Variants in SFSWAP observed in about 807,000 individuals in gnomAD.
SFSWAP encodes the protein splicing factor SWAP, also known as splicing factor, suppressor of white-apricot homolog.
In SFSWAP, 17 loss-of-function variants were observed where a neutral mutation model predicts 100.7. That is an observed-to-expected ratio of 0.17 (90% CI 0.12 to 0.25). The LOEUF is 0.25. Ranked by LOEUF, SFSWAP falls within the 10% of genes least tolerant of loss-of-function variation. The pLI, the probability that SFSWAP is intolerant of heterozygous loss-of-function variation, is 1.00. For synonymous variants in SFSWAP, 504 were observed against 510.1 expected (o/e 0.99, Z 0.16); for missense variants, 1,005 against 1,262.6 (o/e 0.80, Z 3.09).
In SFSWAP at chr12:131,799,538, G is replaced by A; in HGVS notation, c.*50G>A. On this transcript the variant is annotated 3_prime_UTR_variant, in exon 18 of 18. Coordinates refer to ENST00000261674, the MANE Select transcript of SFSWAP (RefSeq NM_004592.4). ...GGGAGGCTGCGTGGGCTTCTGGGCA[G>A]GCTCACGCAGACGCCGGCCACACCA... 1 of 1,538,474 alleles carries A rather than the reference G, an allele frequency of 6.5e-7. No homozygotes were observed. Among genetic ancestry groups the A allele is most frequent in the South Asian group, 1.1e-5 (1 of 88,316 alleles).
At chr12:131,729,957 G>A (rs1879344619) in intron 7 of SFSWAP, among the ~76,000 whole-genome samples, 2 of 152,230 alleles carry the variant, frequency 1.3e-5, no homozygotes, top group South Asian at 4.1e-4. Context: ...TTACTAGAGT[G>A]AACTTTCTGC....
At position 131,733,486 on chromosome 12, in the gene SFSWAP, C is replaced by T. The variant is rs1002273454; in HGVS notation, c.1081+5058C>T. 1.3e-5 allele frequency among the ~76,000 whole-genome samples: 2 copies of T among 152,092 alleles called. No homozygotes were observed. The highest frequency in any genetic ancestry group is 2.4e-5 in the African/African-American group (1 of 41,418). ...AGGCAGCGACGCTGCCTGCACTGCCCCACCGCTCAGAGGGCCACAGGAGCA... is the reference window on the plus strand; with the variant it reads ...AGGCAGCGACGCTGCCTGCACTGCCTCACCGCTCAGAGGGCCACAGGAGCA... On this transcript the variant is annotated intron_variant, in intron 7 of 17. Coordinates refer to ENST00000261674, the MANE Select transcript of SFSWAP (RefSeq NM_004592.4). This position sits in a 1 kb window ranked among gnomAD's most constrained non-coding sequence, Gnocchi z 5.1.
chr12:131,777,370 C>T (rs529859265), intron 13 of SFSWAP, among the ~76,000 whole-genome samples: 1 of 152,232 alleles, frequency 6.6e-6, no homozygotes, highest in African/African-American at 2.4e-5. Context: ...TCAGTTCCCA[C>T]CTATGAGTGA....
Position 131,778,349 on chromosome 12 carries a change from G to T in SFSWAP, c.2408+19G>T. The stretch of plus-strand genomic sequence containing the variant: ...GGTCGAGGTGGGTGTGAAGGGGGCA[G>T]CACCTCTGGTACCCTCATGACCCCC... On this transcript the variant is annotated intron_variant, in intron 14 of 17. Transcript: ENST00000261674. The surrounding 1 kb of genome is among the most constrained non-coding windows in gnomAD (Gnocchi z 4.2). 4 of 1,607,562 alleles carry T rather than the reference G, an allele frequency of 2.5e-6. No individual in the cohort carries two copies. Among genetic ancestry groups the T allele is most frequent in the Non-Finnish European group, 3.4e-6 (4 of 1,176,338 alleles).
chr12:131,760,565 T>C (rs1192371107), intron 11 of SFSWAP, among the ~76,000 whole-genome samples: 1 of 152,210 alleles, frequency 6.6e-6, no homozygotes, highest in Non-Finnish European at 1.5e-5. Flanking sequence ...TAATATGGAC[T>C]GAGTTTTAAA....
rs188537186 is a variant in SFSWAP, at chr12:131,733,396, C to T, written c.1081+4968C>T. On this transcript the variant is annotated intron_variant, in intron 7 of 17. Transcript: ENST00000261674. The surrounding 1 kb of genome is among the most constrained non-coding windows in gnomAD (Gnocchi z 5.1). Reference sequence around the variant, plus strand: ...ATTTGCAGTCCAGCTTTGCAGGGAGCGGCAGTTTGTCATTTGTAGGAGGAA... The same window carrying T: ...ATTTGCAGTCCAGCTTTGCAGGGAGTGGCAGTTTGTCATTTGTAGGAGGAA... 1.3e-3 allele frequency among the ~76,000 whole-genome samples: 202 copies of T among 152,246 alleles called. No homozygotes were observed. Among genetic ancestry groups the T allele is most frequent in the Non-Finnish European group, 2.1e-3 (144 of 68,028 alleles).
At chr12:131,729,775 A>G (rs1879329601) in intron 7 of SFSWAP, among the ~76,000 whole-genome samples, 1 of 152,174 alleles carries the variant, frequency 6.6e-6, no homozygotes, top group Non-Finnish European at 1.5e-5. Flanking sequence ...CAGCTCTGGT[A>G]CCCTGACTCC....
intron 15 of SFSWAP, among the ~76,000 whole-genome samples, chr12:131,791,304 G>C (rs1474957812): frequency 6.6e-6 from 1 of 151,396 alleles, no homozygotes; most frequent in Admixed American, 6.6e-5. Context: ...CAGGAGAATT[G>C]CTTGAACCTG....
At chr12:131,723,947 T>C (rs1048969712) in intron 4 of SFSWAP, among the ~76,000 whole-genome samples, 1 of 152,262 alleles carries the variant, frequency 6.6e-6, no homozygotes, top group African/African-American at 2.4e-5. Context: ...ATGTTGACTG[T>C]ATTTTTTAAA....
chr12:131,760,366 C>G (rs928928779), intron 11 of SFSWAP, among the ~76,000 whole-genome samples: 1 of 152,084 alleles, frequency 6.6e-6, no homozygotes, highest in African/African-American at 2.4e-5. Flanking sequence ...GAGAAATAGA[C>G]AAAGGACATG....
chr12:131,714,705 AAGT>A lies in SFSWAP; in HGVS notation c.389-114_389-112del. On this transcript the variant is annotated intron_variant, in intron 2 of 17. Coordinates refer to ENST00000261674, the MANE Select transcript of SFSWAP (RefSeq NM_004592.4). The surrounding 1 kb of genome is among the most constrained non-coding windows in gnomAD (Gnocchi z 6.0). Reference sequence around the variant, plus strand: ...AATTTTTAAAACTATTTTACCTCAAAAGTAGGTTGAAAAAAGTATGTTGTATGC... The same window carrying A: ...AATTTTTAAAACTATTTTACCTCAAAAGGTTGAAAAAAGTATGTTGTATGC... 1 of 890,390 alleles carries A rather than the reference AAGT, an allele frequency of 1.1e-6. No individual in the cohort carries two copies. Among genetic ancestry groups the A allele is most frequent in the Non-Finnish European group, 1.7e-6 (1 of 583,382 alleles). The allele number at this position is 890,390 out of a possible 1,614,324, so 55.2% of individuals were successfully genotyped here.
intron 4 of SFSWAP, among the ~76,000 whole-genome samples, chr12:131,721,643 A>G (rs147073302): frequency 2.8e-4 from 43 of 152,320 alleles, no homozygotes; most frequent in Non-Finnish European, 4.9e-4. Context: ...GTACAATGGA[A>G]TTGTGTTGCC....
chr12:131,790,551 G>A (rs549628113), intron 15 of SFSWAP, among the ~76,000 whole-genome samples: 2 of 152,344 alleles, frequency 1.3e-5, no homozygotes, highest in East Asian at 3.9e-4. Context: ...TACAGCCGCA[G>A]CTACTTGGAG....
intron 7 of SFSWAP, among the ~76,000 whole-genome samples, chr12:131,744,379 TC>T (rs771178896): frequency 8.5e-5 from 13 of 152,220 alleles, no homozygotes; most frequent in Non-Finnish European, 1.6e-4. Context: ...ATACCCTAAA[TC>T]ATCTCTCTCA....
In SFSWAP at chr12:131,714,351, A is replaced by G; in HGVS notation, c.388+111A>G. ...ACTCACTCTTTCTGATATTATCTTG[A>G]CAGTACCCAGTGGATTGGAAAAACA... On this transcript the variant is annotated intron_variant, in intron 2 of 17. Coordinates refer to ENST00000261674, the MANE Select transcript of SFSWAP (RefSeq NM_004592.4). The surrounding 1 kb of genome is among the most constrained non-coding windows in gnomAD (Gnocchi z 6.0). 1.1e-6 allele frequency: 1 copy of G among 909,340 alleles called. No individual in the cohort carries two copies. The highest frequency in any genetic ancestry group is 1.6e-6 in the Non-Finnish European group (1 of 606,178). The allele number at this position is 909,340 out of a possible 1,614,324, so 56.3% of individuals were successfully genotyped here. A position where few individuals can be genotyped will look rare whatever the true frequency, so the allele number is the denominator to read the frequency against.
intron 7 of SFSWAP, among the ~76,000 whole-genome samples, chr12:131,744,035 G>A (rs765828636): frequency 1.4e-4 from 21 of 152,210 alleles, no homozygotes; most frequent in Non-Finnish European, 2.2e-4. Flanking sequence ...TCCCTAGGCT[G>A]CACACGGCAC....
chr12:131,742,349 T>A (rs1880723010), intron 7 of SFSWAP, among the ~76,000 whole-genome samples: 1 of 152,210 alleles, frequency 6.6e-6, no homozygotes, highest in African/African-American at 2.4e-5. Flanking sequence ...CAGTACAGCA[T>A]TAAAAATTGA....
intron 11 of SFSWAP, among the ~76,000 whole-genome samples, chr12:131,763,757 A>G (rs115519552): frequency 0.012 from 1,879 of 152,106 alleles, 35 homozygotes; most frequent in African/African-American, 0.043. Context: ...AGACCTGTTT[A>G]TAGTGGAGTC....
Position 131,711,923 on chromosome 12 carries a change from TG to T in SFSWAP, c.218+478del, listed in dbSNP as rs1444233395. 5.8e-6 allele frequency: 1 copy of T among 172,200 alleles called. No individual in the cohort carries two copies. Among genetic ancestry groups the T allele is most frequent in the Non-Finnish European group, 1.3e-5 (1 of 79,016 alleles). The allele number at this position is 172,200 out of a possible 1,614,324, so 10.7% of individuals were successfully genotyped here. Reference sequence around the variant, plus strand: ...TCCGAACCGCCGCTCACTGAGACAGTGGCTAGAAGTGTCTCTTGGACCTGTG... The same window carrying T: ...TCCGAACCGCCGCTCACTGAGACAGTGCTAGAAGTGTCTCTTGGACCTGTG... On this transcript the variant is annotated intron_variant, in intron 1 of 17. Coordinates refer to ENST00000261674, the MANE Select transcript of SFSWAP (RefSeq NM_004592.4). This position sits in a 1 kb window ranked among gnomAD's most constrained non-coding sequence, Gnocchi z 4.9.
Sources: gnomAD v4.1 joint callset for allele counts (sites outside exome capture counted in the v4.1 genomes callset) on GRCh38, gnomAD v4.1.1 for gene constraint, Gnocchi (gnomAD v3.1) non-coding constraint, MANE v1.5 for transcripts, NCBI Gene and HGNC (gene_info 2026-07-23, HGNC 2026-07-21) for gene names.